GNAS-AS1: variants seen among roughly 807,000 people sequenced by gnomAD.
GNAS-AS1 encodes GNAS antisense RNA 1.
Position 58,841,217 on chromosome 20 carries a change from C to T in GNAS-AS1, n.819+720G>A, listed in dbSNP as rs2085708720. ...GATTTGGAGCTGCACACCCAAACGG[C>T]ATTGGTAAGTCACTTGTTTTGCGCG... On this transcript the variant is annotated intron_variant and non_coding_transcript_variant, in intron 4 of 4. Transcript: ENST00000424094. This position sits in a 1 kb window ranked among gnomAD's most constrained non-coding sequence, Gnocchi z 5.0. The T allele has an allele frequency of 3.0e-6, 2 of 677,542 alleles. No homozygotes were observed. The highest frequency in any genetic ancestry group is 2.7e-5 in the South Asian group (1 of 37,096). 42.0% of individuals were successfully genotyped at this position (677,542 alleles called of 1,614,324 possible).
intron 4 of GNAS-AS1, among the ~76,000 whole-genome samples, chr20:58,821,250 A>G (rs2085485018): frequency 6.6e-6 from 1 of 152,000 alleles, no homozygotes; most frequent in Non-Finnish European, 1.5e-5. Context: ...TTCCCACCTC[A>G]GGGCCCTTCC....
intron 4 of GNAS-AS1, among the ~76,000 whole-genome samples, chr20:58,831,109 A>G (rs2085566293): frequency 6.6e-6 from 1 of 152,220 alleles, no homozygotes; most frequent in Non-Finnish European, 1.5e-5. Context: ...AACCCAAAAG[A>G]ATAAACTAAA....
At chr20:58,831,410 C>T (rs2085567936) in intron 4 of GNAS-AS1, among the ~76,000 whole-genome samples, 1 of 152,232 alleles carries the variant, frequency 6.6e-6, no homozygotes. Context: ...GGCGCAGTGG[C>T]TCATGCCTGT....
chr20:58,836,041 A>C (rs2085600568), intron 4 of GNAS-AS1, among the ~76,000 whole-genome samples: 1 of 152,072 alleles, frequency 6.6e-6, no homozygotes, highest in Non-Finnish European at 1.5e-5. Flanking sequence ...TTGCACTTTC[A>C]ATGCTTCCAA....
chr20:58,848,778 G>T (rs1479872005), intron 2 of GNAS-AS1: 13 of 397,406 alleles, frequency 3.3e-5, no homozygotes, highest in Non-Finnish European at 5.8e-5. Context: ...GGTCCCTGTG[G>T]CCTTGCAGGT....
chr20:58,850,032 G>A (rs1416453145), intron 1 of GNAS-AS1, among the ~76,000 whole-genome samples: 1 of 152,022 alleles, frequency 6.6e-6, no homozygotes, highest in African/African-American at 2.4e-5. Flanking sequence ...TGCTCCCCAA[G>A]AGCCAGCCAA....
chr20:58,841,550 C>G lies in GNAS-AS1; in HGVS notation n.819+387G>C. 1.0e-6 allele frequency: 1 copy of G among 996,806 alleles called. No homozygotes were observed. Among genetic ancestry groups the G allele is most frequent in the Non-Finnish European group, 1.2e-6 (1 of 837,984 alleles). 61.7% of individuals were successfully genotyped at this position (996,806 alleles called of 1,614,324 possible). On this transcript the variant is annotated intron_variant and non_coding_transcript_variant, in intron 4 of 4. Transcript: ENST00000424094. This position sits in a 1 kb window ranked among gnomAD's most constrained non-coding sequence, Gnocchi z 5.0. ...TCCAGCTGCCGTGCGCCAGCCTTGGCCGCCACAGCCCGCCTCCCGTCGCTC... is the reference window on the plus strand; with the variant it reads ...TCCAGCTGCCGTGCGCCAGCCTTGGGCGCCACAGCCCGCCTCCCGTCGCTC...
At chr20:58,830,614 A>AC (rs1555865418) in intron 4 of GNAS-AS1, among the ~76,000 whole-genome samples, 2 of 103,210 alleles carry the variant, frequency 1.9e-5, no homozygotes, top group Admixed American at 9.6e-5. Context: ...CATCACCACC[A>AC]CACCACCATC....
rs1009728200 is a variant in GNAS-AS1, at chr20:58,841,120, G to C, written n.819+817C>G. Among the ~76,000 whole-genome samples the C allele has an allele frequency of 1.3e-5, 2 of 152,066 alleles. No homozygotes were observed. Among genetic ancestry groups the C allele is most frequent in the African/African-American group, 2.4e-5 (1 of 41,422 alleles). Reference sequence around the variant, plus strand: ...TTGGACGGCGGGGCGCACGCCGTGCGTCCCGCTGGAGACAACCTGAGGTCT... The same window carrying C: ...TTGGACGGCGGGGCGCACGCCGTGCCTCCCGCTGGAGACAACCTGAGGTCT... On this transcript the variant is annotated intron_variant and non_coding_transcript_variant, in intron 4 of 4. Coordinates refer to ENST00000424094, the Ensembl canonical transcript of GNAS-AS1. The surrounding 1 kb of genome is among the most constrained non-coding windows in gnomAD (Gnocchi z 5.0).
At chr20:58,828,100 C>A (rs1291787814) in intron 4 of GNAS-AS1, among the ~76,000 whole-genome samples, 1 of 152,196 alleles carries the variant, frequency 6.6e-6, no homozygotes, top group African/African-American at 2.4e-5. Context: ...ATAACTGGTG[C>A]TTTTGGAACA....
At chr20:58,846,405 G>A (rs571537154) in intron 2 of GNAS-AS1, among the ~76,000 whole-genome samples, 1 of 152,116 alleles carries the variant, frequency 6.6e-6, no homozygotes, top group Admixed American at 6.5e-5. Context: ...TCACAGATTC[G>A]ACACCATTAA....
At position 58,840,571 on chromosome 20, in the gene GNAS-AS1, C is replaced by T. The variant is rs768473505; in HGVS notation, n.819+1366G>A. 1 of 1,612,710 alleles carries T rather than the reference C, an allele frequency of 6.2e-7. No individual in the cohort carries two copies. Among genetic ancestry groups the T allele is most frequent in the East Asian group, 2.2e-5 (1 of 44,842 alleles). On this transcript the variant is annotated intron_variant and non_coding_transcript_variant, in intron 4 of 4. Coordinates refer to ENST00000424094, the Ensembl canonical transcript of GNAS-AS1. This position sits in a 1 kb window ranked among gnomAD's most constrained non-coding sequence, Gnocchi z 6.0. Reference sequence around the variant, plus strand: ...CGGTGGTGCCCAAGCACTCCACCTTCGGCCAGTCCCTCACCCAGCGTCTGC... The same window carrying T: ...CGGTGGTGCCCAAGCACTCCACCTTTGGCCAGTCCCTCACCCAGCGTCTGC...
Position 58,847,701 on chromosome 20 carries a change from C to T in GNAS-AS1, n.413+1178G>A, listed in dbSNP as rs570212241. Reference sequence around the variant, plus strand: ...AAGCCGCAGACCAAAAGGAAAATGACTACCAAAAAAATACTGTTTTTCGTG... The same window carrying T: ...AAGCCGCAGACCAAAAGGAAAATGATTACCAAAAAAATACTGTTTTTCGTG... On this transcript the variant is annotated intron_variant and non_coding_transcript_variant, in intron 2 of 4. Coordinates refer to ENST00000424094, the Ensembl canonical transcript of GNAS-AS1. Among the ~76,000 whole-genome samples, 5 of 152,346 alleles carry T rather than the reference C, an allele frequency of 3.3e-5. No homozygotes were observed. In the East Asian group the frequency reaches 5.8e-4, roughly 18 times the overall value.
intron 4 of GNAS-AS1, chr20:58,833,669 T>G (rs2085582381): frequency 6.6e-6 from 1 of 152,176 alleles, no homozygotes; most frequent in Non-Finnish European, 1.5e-5. Flanking sequence ...GATCTGATTA[T>G]CAACTCGTCC....
rs890115794 is a variant in GNAS-AS1 at position 58,841,687 on chromosome 20, G to A, written n.819+250C>T. On this transcript the variant is annotated intron_variant and non_coding_transcript_variant, in intron 4 of 4. Coordinates refer to ENST00000424094, the Ensembl canonical transcript of GNAS-AS1. The surrounding 1 kb of genome is among the most constrained non-coding windows in gnomAD (Gnocchi z 5.0). ...AGTACCTGGGGGAAAGGTAGAGGAG[G>A]TAAGGGGACCCTTGGGGATGCCCCT... 2.1e-5 allele frequency: 25 copies of A among 1,193,314 alleles called. No homozygotes were observed. In the African/African-American group the frequency reaches 3.6e-4, roughly 17 times the overall value. 73.9% of individuals were successfully genotyped at this position (1,193,314 alleles called of 1,614,324 possible). A position where few individuals can be genotyped will look rare whatever the true frequency, so the allele number is the denominator to read the frequency against.
chr20:58,833,161 G>A (rs1488953244), intron 4 of GNAS-AS1, among the ~76,000 whole-genome samples: 1 of 152,246 alleles, frequency 6.6e-6, no homozygotes, highest in African/African-American at 2.4e-5. Flanking sequence ...ATGCCTCAAT[G>A]CCTTTTCTTT....
intron 4 of GNAS-AS1, among the ~76,000 whole-genome samples, chr20:58,837,863 T>C (rs1339996937): frequency 6.6e-6 from 1 of 152,248 alleles, no homozygotes; most frequent in Non-Finnish European, 1.5e-5. Flanking sequence ...CACTGGGGTA[T>C]GAACTCTGCA....
chr20:58,825,701 C>T (rs951747079), intron 4 of GNAS-AS1, among the ~76,000 whole-genome samples: 1 of 152,126 alleles, frequency 6.6e-6, no homozygotes, highest in African/African-American at 2.4e-5. Context: ...AATTTTTGTT[C>T]TAATTTCTAA....
intron 4 of GNAS-AS1, among the ~76,000 whole-genome samples, chr20:58,820,349 C>T (rs747901331): frequency 2.6e-5 from 4 of 152,206 alleles, no homozygotes; most frequent in African/African-American, 4.8e-5. Context: ...ACCAGGTAGA[C>T]GAAGGGAGGG....
Sources: allele counts gnomAD v4.1 joint callset (sites outside exome capture counted in the v4.1 genomes callset), GRCh38; gene constraint gnomAD v4.1.1; non-coding constraint Gnocchi (gnomAD v3.1); transcripts MANE v1.5; gene names NCBI Gene and HGNC (gene_info 2026-07-23, HGNC 2026-07-21).